The following SH3RF3 variants were observed in gnomAD, a reference collection of about 807,000 sequenced individuals.
SH3RF3 encodes the protein E3 ubiquitin-protein ligase SH3RF3.
In SH3RF3, 29 loss-of-function variants were observed where a neutral mutation model predicts 66.3. That is an observed-to-expected ratio of 0.44 (90% CI 0.33 to 0.60). The LOEUF (loss-of-function observed/expected upper bound fraction) is 0.60, where lower values mean the gene tolerates loss of function less well. SH3RF3 is among the 20% of genes least tolerant of loss of function. The pLI, the probability that SH3RF3 is intolerant of heterozygous loss-of-function variation, is 0.04. For synonymous variants in SH3RF3, 583 were observed against 532.0 expected, an observed-to-expected ratio of 1.10 and a Z score of -1.32; for missense variants, 1,194 against 1,190.9, an observed-to-expected ratio of 1.00 and a Z score of -0.04.
intron 1 of SH3RF3, among the ~76,000 whole-genome samples, chr2:109,157,046 T>G (rs1025307620): frequency 6.6e-6 from 1 of 152,216 alleles, no homozygotes; most frequent in Non-Finnish European, 1.5e-5. Context: ...ATTTGCATCA[T>G]CTGACTGTGG....
intron 3 of SH3RF3, among the ~76,000 whole-genome samples, chr2:109,377,993 T>C (rs1683428132): frequency 6.6e-6 from 1 of 152,242 alleles, no homozygotes; most frequent in African/African-American, 2.4e-5. Context: ...TACCTCAAAG[T>C]AGTGAGCAGC....
At chr2:109,193,928 G>T (rs1678431707) in intron 1 of SH3RF3, among the ~76,000 whole-genome samples, 1 of 152,206 alleles carries the variant, frequency 6.6e-6, no homozygotes, top group African/African-American at 2.4e-5. Context: ...CTCCTGGCAG[G>T]GAAAAAGTGA....
rs528515125 is a variant in SH3RF3 at position 109,191,778 on chromosome 2, T to A, written c.573+61665T>A. 9.8e-5 allele frequency among the ~76,000 whole-genome samples: 15 copies of A among 152,344 alleles called. 1 individual carries two copies. The South Asian group carries it at 3.1e-3, about 32-fold the overall frequency. ...GCAGTCACAGGGATCACAGTCACAG[T>A]CACCTGTTGGGCAAAGTCCCCAGGT... On this transcript the variant is annotated intron_variant, in intron 1 of 9. Coordinates refer to ENST00000309415, the MANE Select transcript of SH3RF3 (RefSeq NM_001099289.3).
At chr2:109,339,547 G>T (rs539398353) in intron 1 of SH3RF3, among the ~76,000 whole-genome samples, 1 of 152,164 alleles carries the variant, frequency 6.6e-6, no homozygotes, top group African/African-American at 2.4e-5. Context: ...TGGTAGATGG[G>T]GCCGACCAGG....
At chr2:109,175,036 T>G (rs1488321688) in intron 1 of SH3RF3, among the ~76,000 whole-genome samples, 2 of 152,208 alleles carry the variant, frequency 1.3e-5, no homozygotes, top group African/African-American at 4.8e-5. Flanking sequence ...TGAGTAGCCT[T>G]TATTTGAGTC....
intron 8 of SH3RF3, among the ~76,000 whole-genome samples, chr2:109,471,966 A>G (rs1028757713): frequency 6.6e-6 from 1 of 152,154 alleles, no homozygotes; most frequent in South Asian, 2.1e-4. Flanking sequence ...ATTTTCCTCC[A>G]TGGTTATATT....
In SH3RF3 at chr2:109,347,729, C is replaced by G; in HGVS notation, c.629C>G (p.Pro210Arg). ...CTCTACAGCTACGAGGGGAAGGAAC[C>G]TGGTGACCTCAAGTTCAACAAGGGG... Reference protein sequence around the residue: ...KALYSYEGKEPGDLKFNKGDI... With the variant: ...KALYSYEGKERGDLKFNKGDI... Residue 210 changes from proline to arginine, a missense_variant, in exon 2 of 10, where the codon CCT (proline) becomes CGT (arginine). Transcript: ENST00000309415. 6.2e-7 allele frequency: 1 copy of G among 1,613,910 alleles called. No homozygotes were observed. Among genetic ancestry groups the G allele is most frequent in the Non-Finnish European group, 8.5e-7 (1 of 1,179,872 alleles).
chr2:109,501,426 C>G (rs917689515), intron 9 of SH3RF3, 77 bp from the exon 10 acceptor site: 1 of 646,412 alleles, frequency 1.5e-6, no homozygotes, highest in South Asian at 1.8e-5. Flanking sequence ...TAATTTACAC[C>G]GAGGGAAGAA....
Position 109,501,814 on chromosome 2 carries a change from G to C in SH3RF3, c.*143G>C. On this transcript the variant is annotated 3_prime_UTR_variant, in exon 10 of 10. Coordinates refer to ENST00000309415, the MANE Select transcript of SH3RF3 (RefSeq NM_001099289.3). ...CGGGGGATACCCTGGCCCAGGGTGG[G>C]GGCCAGGGACTGTGGAGGTCGTGCC... The C allele has an allele frequency of 1.6e-6, 1 of 609,490 alleles. No homozygotes were observed. Among genetic ancestry groups the C allele is most frequent in the Non-Finnish European group, 2.9e-6 (1 of 341,648 alleles). 37.8% of individuals were successfully genotyped at this position (609,490 alleles called of 1,614,324 possible).
chr2:109,385,053 C>T (rs1003560122), intron 3 of SH3RF3, among the ~76,000 whole-genome samples: 33 of 152,228 alleles, frequency 2.2e-4, no homozygotes, highest in East Asian at 1.9e-4. Flanking sequence ...ATCGTTGTCC[C>T]GGCATGCTGG....
chr2:109,358,967 G>A (rs1025569135), intron 2 of SH3RF3, among the ~76,000 whole-genome samples: 2 of 152,026 alleles, frequency 1.3e-5, no homozygotes, highest in Non-Finnish European at 2.9e-5. Flanking sequence ...TGTGAGGGGT[G>A]GAATGTTTAT....
chr2:109,233,852 G>A (rs777011463), intron 1 of SH3RF3, among the ~76,000 whole-genome samples: 36 of 152,190 alleles, frequency 2.4e-4, no homozygotes, highest in Non-Finnish European at 2.2e-4. Context: ...GCACATTTGC[G>A]ATTGGTCTGC....
At chr2:109,270,274 C>T (rs1023763835) in intron 1 of SH3RF3, among the ~76,000 whole-genome samples, 5 of 152,078 alleles carry the variant, frequency 3.3e-5, no homozygotes, top group African/African-American at 1.2e-4. Flanking sequence ...AACCTTAAGG[C>T]GAGTCTGTGG....
intron 1 of SH3RF3, among the ~76,000 whole-genome samples, chr2:109,262,733 C>T (rs1680385644): frequency 6.6e-6 from 1 of 152,220 alleles, no homozygotes; most frequent in South Asian, 2.1e-4. Flanking sequence ...TTTGTTCTCA[C>T]TTACCTCCTT....
intron 8 of SH3RF3, among the ~76,000 whole-genome samples, chr2:109,490,187 C>G (rs748493820): frequency 1.3e-5 from 2 of 152,228 alleles, no homozygotes; most frequent in Non-Finnish European, 2.9e-5. Flanking sequence ...CCTATCTTTT[C>G]AAGATGTCCA....
chr2:109,360,315 A>G (rs1451249745), intron 2 of SH3RF3, among the ~76,000 whole-genome samples: 1 of 152,226 alleles, frequency 6.6e-6, no homozygotes, highest in Non-Finnish European at 1.5e-5. Context: ...TATTGGTAGC[A>G]TATAAATCCA....
intron 9 of SH3RF3, among the ~76,000 whole-genome samples, chr2:109,494,447 AG>A (rs1288540687): frequency 6.6e-6 from 1 of 152,186 alleles, no homozygotes; most frequent in African/African-American, 2.4e-5. Flanking sequence ...GAGCCCTAGC[AG>A]GTCGGAGCTG....
At chr2:109,131,395 A>G (rs1278821976) in intron 1 of SH3RF3, among the ~76,000 whole-genome samples, 1 of 152,226 alleles carries the variant, frequency 6.6e-6, no homozygotes, top group East Asian at 1.9e-4. Flanking sequence ...GAAATTTTCA[A>G]ACTTTTCCTT....
Position 109,398,581 on chromosome 2 carries a change from C to T in SH3RF3, c.946-9C>T, listed in dbSNP as rs200752997. 1.9e-4 allele frequency: 289 copies of T among 1,543,588 alleles called. No homozygotes were observed. Among genetic ancestry groups the T allele is most frequent in the Admixed American group, 1.1e-3 (59 of 52,186 alleles). ...TAATGCAGCCTCCCCTCTCCCCTTT[C>T]TCACTCAGCTCAATGACTCCGCCAA... On this transcript the variant is annotated splice_polypyrimidine_tract_variant and intron_variant, in intron 3 of 9. Transcript: ENST00000309415.
Sources: gnomAD v4.1 joint callset for allele counts (sites outside exome capture counted in the v4.1 genomes callset) on GRCh38, gnomAD v4.1.1 for gene constraint, MANE v1.5 for transcripts, NCBI Gene and HGNC (gene_info 2026-07-23, HGNC 2026-07-21) for gene names.